Variants in NTRK3 observed in about 807,000 individuals in gnomAD.
The protein encoded by NTRK3 is neurotrophic receptor tyrosine kinase 3.
In NTRK3, 24 loss-of-function variants were observed where a neutral mutation model predicts 91.7. That is an observed-to-expected ratio of 0.26 (90% confidence interval 0.19 to 0.37). The LOEUF is 0.37. Among genes scored for constraint, NTRK3 ranks in the 10% least tolerant of loss-of-function variants. The pLI, the probability that NTRK3 is intolerant of heterozygous loss-of-function variation, is 1.00. For missense variants in NTRK3, 880 were observed against 1,068.9 expected (o/e 0.82, Z 2.46); for synonymous variants, 483 against 404.0 (o/e 1.20, Z -2.34).
At position 88,237,297 on chromosome 15, in the gene NTRK3, T is replaced by C. The variant is rs917147933; in HGVS notation, c.248+18609A>G. On this transcript the variant is annotated intron_variant, in intron 3 of 18. Coordinates refer to ENST00000394480, the Ensembl canonical transcript of NTRK3. This position sits in a 1 kb window ranked among gnomAD's most constrained non-coding sequence, Gnocchi z 4.0. ...GGATTTGCATAATAAAATGATGGGA[T>C]GGGAGGGATCCTATGTATTTACATG... Among the ~76,000 whole-genome samples, 2 of 152,190 alleles carry C rather than the reference T, an allele frequency of 1.3e-5. No individual in the cohort carries two copies.
rs1380065366 is a variant in NTRK3 at position 88,233,101 on chromosome 15, C to T, written c.248+22805G>A. ...GCTGAGGGGAGAAGGGACCATTAAACTCACTGAATAAGTTAATGGGGCAGA... is the reference window on the plus strand; with the variant it reads ...GCTGAGGGGAGAAGGGACCATTAAATTCACTGAATAAGTTAATGGGGCAGA... On this transcript the variant is annotated intron_variant, in intron 3 of 18. Coordinates refer to ENST00000394480, the Ensembl canonical transcript of NTRK3. The surrounding 1 kb of genome is among the most constrained non-coding windows in gnomAD (Gnocchi z 4.2). 6.6e-6 allele frequency among the ~76,000 whole-genome samples: 1 copy of T among 152,198 alleles called. No homozygotes were observed. Among genetic ancestry groups the T allele is most frequent in the Non-Finnish European group, 1.5e-5 (1 of 68,046 alleles).
chr15:87,884,798 G>A (rs922887432), intron 17 of NTRK3, among the ~76,000 whole-genome samples: 1 of 151,762 alleles, frequency 6.6e-6, no homozygotes, highest in Non-Finnish European at 1.5e-5. Flanking sequence ...CTGATTAAAA[G>A]TCTAATTCAT....
intron 3 of NTRK3, among the ~76,000 whole-genome samples, chr15:88,228,679 G>A (rs1359341662): frequency 5.9e-5 from 9 of 152,102 alleles, no homozygotes; most frequent in Admixed American, 5.9e-4. Context: ...GTCTATTGGG[G>A]TCATCACTGT....
chr15:87,922,086 C>G (rs765666267), intron 17 of NTRK3, among the ~76,000 whole-genome samples: 2 of 152,136 alleles, frequency 1.3e-5, no homozygotes, highest in African/African-American at 2.4e-5. Context: ...CATGGTGGAA[C>G]CCTGTGATCC....
chr15:88,021,740 A>G lies in NTRK3; in HGVS notation c.1585+11117T>C, dbSNP rs560092897. 1.6e-4 allele frequency among the ~76,000 whole-genome samples: 24 copies of G among 152,304 alleles called. No individual in the cohort carries two copies. In the East Asian group the frequency reaches 3.9e-3, roughly 25 times the overall value. On this transcript the variant is annotated intron_variant, in intron 14 of 18. Coordinates refer to ENST00000394480, the Ensembl canonical transcript of NTRK3. ...GAGCTTTGGTTTTTAGTTATTGACC[A>G]TCAACAATATAGTGCAAGGGGAATG...
At chr15:87,989,456 G>A (rs181460492) in intron 14 of NTRK3, among the ~76,000 whole-genome samples, 39 of 139,834 alleles carry the variant, frequency 2.8e-4, no homozygotes, top group African/African-American at 9.2e-4. Flanking sequence ...CGAACAATGA[G>A]AACACTTGGA....
chr15:88,056,895 G>A (rs557069120), intron 13 of NTRK3, among the ~76,000 whole-genome samples: 2 of 152,352 alleles, frequency 1.3e-5, no homozygotes, highest in African/African-American at 2.4e-5. Flanking sequence ...TGTCGGCCGG[G>A]CGCGGTGGCT....
chr15:87,917,213 C>T (rs996346592), intron 17 of NTRK3, among the ~76,000 whole-genome samples: 11 of 152,186 alleles, frequency 7.2e-5, no homozygotes, highest in Admixed American at 4.6e-4. Context: ...CTAGACACAA[C>T]TGAGAACTTC....
intron 13 of NTRK3, among the ~76,000 whole-genome samples, chr15:88,084,437 A>C (rs1271439467): frequency 6.6e-6 from 1 of 152,204 alleles, no homozygotes; most frequent in Non-Finnish European, 1.5e-5. Flanking sequence ...AGAGGAGGCA[A>C]GCCAGGAGTT....
intron 13 of NTRK3, among the ~76,000 whole-genome samples, chr15:88,047,432 A>G (rs1206888402): frequency 2.6e-5 from 4 of 151,584 alleles, no homozygotes; most frequent in Admixed American, 6.6e-5. Flanking sequence ...GTACCAAGGG[A>G]AAAAAAAAGT....
intron 17 of NTRK3, among the ~76,000 whole-genome samples, chr15:87,890,509 C>T (rs969513370): frequency 7.9e-5 from 12 of 151,922 alleles, no homozygotes; most frequent in Non-Finnish European, 8.8e-5. Flanking sequence ...ATAGCATCCT[C>T]CAGAGGTGAC....
At chr15:87,934,070 A>G (rs2069047782) in intron 15 of NTRK3, among the ~76,000 whole-genome samples, 1 of 152,206 alleles carries the variant, frequency 6.6e-6, no homozygotes, top group South Asian at 2.1e-4. Context: ...AGGGGACTAC[A>G]AGGCCAAAGA....
chr15:87,997,463 C>A (rs2075787671), intron 14 of NTRK3, among the ~76,000 whole-genome samples: 1 of 152,098 alleles, frequency 6.6e-6, no homozygotes, highest in African/African-American at 2.4e-5. Context: ...CCTGCATGAC[C>A]CTTCTCCCGC....
chr15:87,875,146 G>A (rs2064915299), exon 19 of NTRK3: 3 of 231,540 alleles, frequency 1.3e-5, no homozygotes, highest in African/African-American at 2.2e-5. Flanking sequence ...GGACGTCCAG[G>A]CTGCCGGCAG....
rs1192348872 is a variant in NTRK3, at chr15:88,243,317, T to C, written c.248+12589A>G. On this transcript the variant is annotated intron_variant, in intron 3 of 18. Transcript: ENST00000394480. This position sits in a 1 kb window ranked among gnomAD's most constrained non-coding sequence, Gnocchi z 4.8. ...AACACAATCTGGAGCAAAGCTGATA[T>C]TAAATAACTTCCTGAGCCTGGCCCG... Among the ~76,000 whole-genome samples, 1 of 152,124 alleles carries C rather than the reference T, an allele frequency of 6.6e-6. No homozygotes were observed. Among genetic ancestry groups the C allele is most frequent in the Non-Finnish European group, 1.5e-5 (1 of 68,028 alleles).
rs942450430 is a variant in NTRK3, at chr15:87,940,555, C to G, written c.1716+68G>C. 12 of 1,605,214 alleles carry G rather than the reference C, an allele frequency of 7.5e-6. No homozygotes were observed. The Admixed American group carries it at 2.0e-4, about 27-fold the overall frequency. On this transcript the variant is annotated intron_variant, in intron 15 of 18. Coordinates refer to ENST00000394480, the Ensembl canonical transcript of NTRK3. ...GCACTATCTTCTCAAATGGAGGGAG[C>G]CTCTTCCTTCCCTCCCTGGGCCCTC... is the stretch of plus-strand genomic sequence containing the variant.
chr15:88,102,622 T>C (rs1395034765), intron 13 of NTRK3, among the ~76,000 whole-genome samples: 1 of 152,130 alleles, frequency 6.6e-6, no homozygotes, highest in Non-Finnish European at 1.5e-5. Flanking sequence ...ATGTACCCCA[T>C]AAGTATGTAC....
chr15:87,912,475 C>A (rs1217306111), intron 17 of NTRK3, among the ~76,000 whole-genome samples: 11 of 152,138 alleles, frequency 7.2e-5, no homozygotes, highest in Non-Finnish European at 1.6e-4. Flanking sequence ...ATTTACTTGT[C>A]TGTAAATAGG....
At chr15:88,100,718 C>G (rs1179561595) in intron 13 of NTRK3, among the ~76,000 whole-genome samples, 1 of 152,150 alleles carries the variant, frequency 6.6e-6, no homozygotes, top group Non-Finnish European at 1.5e-5. Context: ...CTCCTCCTAC[C>G]TTAAAAATCT....
Sources: allele counts gnomAD v4.1 joint callset (sites outside exome capture counted in the v4.1 genomes callset), GRCh38; gene constraint gnomAD v4.1.1; non-coding constraint Gnocchi (gnomAD v3.1); transcripts MANE v1.5; gene names NCBI Gene and HGNC (gene_info 2026-07-23, HGNC 2026-07-21).